Variants in RAB3B observed in about 807,000 individuals in gnomAD.
RAB3B encodes the protein ras-related protein Rab-3B.
In RAB3B, 11 loss-of-function variants were observed where a neutral mutation model predicts 20.5. The ratio of observed to expected loss-of-function variants is 0.54; its 90% confidence interval spans 0.34 to 0.89. RAB3B has a LOEUF of 0.89. Among genes scored for constraint, RAB3B ranks in the 40% least tolerant of loss-of-function variants. RAB3B has a pLI of 0.02. For missense variants in RAB3B, 225 were observed against 280.9 expected, an observed-to-expected ratio of 0.80 and a Z score of 1.42; for synonymous variants, 99 against 106.3, an observed-to-expected ratio of 0.93 and a Z score of 0.42.
chr1:51,937,663 A>G (rs1684425460), intron 2 of RAB3B, among the ~76,000 whole-genome samples: 1 of 151,796 alleles, frequency 6.6e-6, no homozygotes, highest in South Asian at 2.1e-4. Context: ...ATGCCCAGCT[A>G]ATTTTGTATT....
chr1:51,933,567 C>T (rs971848272), intron 3 of RAB3B, 125 bp from the exon 4 acceptor site: 8 of 870,970 alleles, frequency 9.2e-6, no homozygotes, highest in African/African-American at 6.9e-5. Context: ...GTGGAGTCTT[C>T]GGGATGTAAT....
chr1:51,971,337 T>C (rs1294849505), intron 2 of RAB3B, among the ~76,000 whole-genome samples: 1 of 151,894 alleles, frequency 6.6e-6, no homozygotes, highest in African/African-American at 2.4e-5. Context: ...TCTCCCCCTA[T>C]CCTTGGGGGA....
intron 2 of RAB3B, among the ~76,000 whole-genome samples, chr1:51,943,508 T>A (rs1161498084): frequency 1.3e-5 from 2 of 152,132 alleles, no homozygotes; most frequent in South Asian, 2.1e-4. Flanking sequence ...TAATTAAGCT[T>A]AGTGAGGAAG....
intron 2 of RAB3B, among the ~76,000 whole-genome samples, chr1:51,957,926 T>C (rs144847181): frequency 1.4e-3 from 209 of 152,322 alleles, no homozygotes; most frequent in African/African-American, 4.9e-3. Flanking sequence ...GGGAGGCCGG[T>C]ATCCTGAGAG....
intron 2 of RAB3B, among the ~76,000 whole-genome samples, chr1:51,956,162 C>A (rs145488821): frequency 1.3e-5 from 2 of 152,124 alleles, no homozygotes; most frequent in Admixed American, 6.6e-5. Context: ...GTGCACCCTG[C>A]GCCTTGGATT....
chr1:51,973,420 A>G (rs1212420968), intron 2 of RAB3B: 1 of 151,090 alleles, frequency 6.6e-6, no homozygotes, highest in Non-Finnish European at 1.5e-5. Flanking sequence ...ATCTATGGCT[A>G]TACCACCCTG....
chr1:51,925,590 T>C (rs1684233249), intron 4 of RAB3B, among the ~76,000 whole-genome samples: 1 of 152,202 alleles, frequency 6.6e-6, no homozygotes, highest in Non-Finnish European at 1.5e-5. Flanking sequence ...GCTTCCTGAT[T>C]TTGTGCCATT....
chr1:51,973,054 C>G (rs748957477), intron 2 of RAB3B, among the ~76,000 whole-genome samples: 1 of 152,166 alleles, frequency 6.6e-6, no homozygotes, highest in Non-Finnish European at 1.5e-5. Context: ...TCCATCCACC[C>G]TTCAAACTGA....
At chr1:51,939,225 G>C (rs772620134) in intron 2 of RAB3B, among the ~76,000 whole-genome samples, 25 of 152,202 alleles carry the variant, frequency 1.6e-4, no homozygotes, top group Non-Finnish European at 3.1e-4. Context: ...TACAGTCTCA[G>C]AATGTGTGAT....
intron 4 of RAB3B, among the ~76,000 whole-genome samples, chr1:51,931,821 T>C (rs999833810): frequency 2.0e-5 from 3 of 151,970 alleles, no homozygotes; most frequent in African/African-American, 7.3e-5. Context: ...ACCAGCTGGA[T>C]GAGGGTAGAA....
At chr1:51,957,276 C>T (rs1282242513) in intron 2 of RAB3B, among the ~76,000 whole-genome samples, 1 of 152,120 alleles carries the variant, frequency 6.6e-6, no homozygotes, top group Non-Finnish European at 1.5e-5. Flanking sequence ...AACAATATTC[C>T]CTGCACTTTG....
intron 4 of RAB3B, among the ~76,000 whole-genome samples, chr1:51,922,870 T>C (rs1311649525): frequency 6.6e-6 from 1 of 151,972 alleles, no homozygotes; most frequent in Non-Finnish European, 1.5e-5. Flanking sequence ...CTAATTTTTG[T>C]ATTTGTAGTA....
chr1:51,974,898 G>A (rs369959729), intron 2 of RAB3B, among the ~76,000 whole-genome samples: 3 of 152,300 alleles, frequency 2.0e-5, no homozygotes, highest in Admixed American at 6.5e-5. Flanking sequence ...CATTTAACAC[G>A]CAGAATAGAA....
In RAB3B at chr1:51,912,554, A is replaced by AATATATAT. The variant is rs1171897939; in HGVS notation, c.*7365_*7372dup. On this transcript the variant is annotated 3_prime_UTR_variant, in exon 5 of 5. Coordinates refer to ENST00000371655, the MANE Select transcript of RAB3B (RefSeq NM_002867.4). ...AGACCGTCTCTATTAAAAAAAAAAA[A>AATATATAT]ATATATATATATATATATATATATA... 9 of 15,496 alleles carry AATATATAT rather than the reference A, an allele frequency of 5.8e-4. No individual in the cohort carries two copies. Among genetic ancestry groups the AATATATAT allele is most frequent in the African/African-American group, 1.0e-3 (6 of 5,740 alleles). The allele number at this position is 15,496 out of a possible 1,614,324, so 1.0% of individuals were successfully genotyped here.
chr1:51,940,483 T>A (rs897648826), intron 2 of RAB3B, among the ~76,000 whole-genome samples: 4 of 152,016 alleles, frequency 2.6e-5, no homozygotes, highest in African/African-American at 9.7e-5. Context: ...GTTAGCCAGG[T>A]GTAGTGGTGT....
chr1:51,960,830 TC>T (rs1684775244), intron 2 of RAB3B, among the ~76,000 whole-genome samples: 4 of 152,146 alleles, frequency 2.6e-5, no homozygotes, highest in Admixed American at 2.6e-4. Flanking sequence ...AACCCTAAGA[TC>T]AGTCACAGTA....
intron 2 of RAB3B, among the ~76,000 whole-genome samples, chr1:51,939,080 T>C (rs1557966626): frequency 1.3e-5 from 2 of 152,222 alleles, no homozygotes; most frequent in Non-Finnish European, 2.9e-5. Flanking sequence ...GCTCATAGTC[T>C]AGTTGGAAAG....
intron 2 of RAB3B, among the ~76,000 whole-genome samples, chr1:51,965,963 T>C (rs1684846116): frequency 6.6e-6 from 1 of 152,218 alleles, no homozygotes; most frequent in Admixed American, 6.5e-5. Context: ...TAAAAATTTA[T>C]TAAAACAATG....
chr1:51,939,263 A>G (rs1443989306), intron 2 of RAB3B, among the ~76,000 whole-genome samples: 1 of 152,212 alleles, frequency 6.6e-6, no homozygotes, highest in Non-Finnish European at 1.5e-5. Flanking sequence ...ACATGTCCTC[A>G]TATATTACCT....
Sources: gnomAD v4.1 joint callset for allele counts (sites outside exome capture counted in the v4.1 genomes callset) on GRCh38, gnomAD v4.1.1 for gene constraint, MANE v1.5 for transcripts, NCBI Gene and HGNC (gene_info 2026-07-23, HGNC 2026-07-21) for gene names.